PRKD1: variants seen among roughly 807,000 people sequenced by gnomAD.
PRKD1 encodes protein kinase D1, also known as serine/threonine-protein kinase D1.
In PRKD1, 63 loss-of-function variants were observed where a neutral mutation model predicts 95.9. The ratio of observed to expected loss-of-function variants is 0.66; its 90% CI spans 0.54 to 0.81. The LOEUF (loss-of-function observed/expected upper bound fraction) is 0.81. Ranked by LOEUF, PRKD1 falls within the 30% of genes least tolerant of loss-of-function variation. The pLI is 0.00. For synonymous variants in PRKD1, 425 were observed against 423.1 expected (o/e 1.00, Z -0.05); for missense variants, 1,048 against 1,165.3 (o/e 0.90, Z 1.47).
intron 3 of PRKD1, among the ~76,000 whole-genome samples, chr14:29,664,861 G>A (rs920657319): frequency 6.6e-6 from 1 of 152,148 alleles, no homozygotes; most frequent in Non-Finnish European, 1.5e-5. Flanking sequence ...TCCAGCTCGC[G>A]ACTCAACAGC....
In PRKD1 at chr14:29,829,198, G is replaced by A. The variant is rs547220928; in HGVS notation, c.264+98051C>T. On this transcript the variant is annotated intron_variant, in intron 1 of 17. Coordinates refer to ENST00000331968, the MANE Select transcript of PRKD1 (RefSeq NM_002742.3). ...CATGTCTTTCTAGCTGAGACCCAAGGCATCATGGAATAGAGATTAAAAAGC... is the reference window on the plus strand; with the variant it reads ...CATGTCTTTCTAGCTGAGACCCAAGACATCATGGAATAGAGATTAAAAAGC... Among the ~76,000 whole-genome samples, 3 of 152,232 alleles carry A rather than the reference G, an allele frequency of 2.0e-5. No homozygotes were observed. The South Asian group carries it at 6.2e-4, about 32-fold the overall frequency.
intron 1 of PRKD1, among the ~76,000 whole-genome samples, chr14:29,892,332 T>G (rs1448690302): frequency 6.6e-6 from 1 of 152,072 alleles, no homozygotes; most frequent in African/African-American, 2.4e-5. Flanking sequence ...GAACTCAAGT[T>G]TTCCAAATAT....
At chr14:29,658,164 A>C (rs2139196761) in intron 4 of PRKD1, among the ~76,000 whole-genome samples, 1 of 152,294 alleles carries the variant, frequency 6.6e-6, no homozygotes, top group South Asian at 2.1e-4. Context: ...TCCTCCAGTT[A>C]GTAGCCCTGA....
intron 1 of PRKD1, among the ~76,000 whole-genome samples, chr14:29,902,695 C>T (rs1156425831): frequency 6.6e-6 from 1 of 151,980 alleles, no homozygotes; most frequent in East Asian, 1.9e-4. Flanking sequence ...AAATCTGTAC[C>T]CATAGATTTC....
chr14:29,754,124 C>A (rs1164132108), intron 1 of PRKD1, among the ~76,000 whole-genome samples: 1 of 152,146 alleles, frequency 6.6e-6, no homozygotes, highest in African/African-American at 2.4e-5. Flanking sequence ...TGCAGCTTAA[C>A]TGATGAGAGA....
chr14:29,692,396 T>C (rs1193123062), intron 2 of PRKD1, among the ~76,000 whole-genome samples: 1 of 152,148 alleles, frequency 6.6e-6, no homozygotes, highest in African/African-American at 2.4e-5. Context: ...TTGACCTCAG[T>C]TGTAATACTG....
Position 29,663,703 on chromosome 14 carries a change from A to AG in PRKD1, c.691dup (p.Leu231ProfsTer30). 6.2e-7 allele frequency: 1 copy of AG among 1,613,680 alleles called. No individual in the cohort carries two copies. The highest frequency in any genetic ancestry group is 1.1e-5 in the South Asian group (1 of 91,030). ...TGGGTAAACAGGAAGCCATACCAGA[A>AG]GGGGCTCATCAGGGGCACTTGTAGA... On this transcript the variant is annotated frameshift_variant, in exon 4 of 18. Transcript: ENST00000331968. LOFTEE classifies it high-confidence loss of function.
At chr14:29,731,914 C>T (rs188481564) in intron 1 of PRKD1, among the ~76,000 whole-genome samples, 412 of 151,364 alleles carry the variant, frequency 2.7e-3, no homozygotes, top group Admixed American at 8.6e-3. Flanking sequence ...CACTCTGGCG[C>T]CCAGGCTGGA....
intron 4 of PRKD1, among the ~76,000 whole-genome samples, chr14:29,654,347 T>C (rs1030162554): frequency 2.0e-5 from 3 of 151,992 alleles, no homozygotes; most frequent in Admixed American, 6.6e-5. Flanking sequence ...AATTTTTCTA[T>C]GTTTTTAGTA....
intron 1 of PRKD1, among the ~76,000 whole-genome samples, chr14:29,757,810 A>G (rs988802033): frequency 5.3e-5 from 8 of 152,068 alleles, no homozygotes; most frequent in African/African-American, 1.7e-4. Context: ...TAATCCAAAT[A>G]GGGAGTTTTG....
intron 2 of PRKD1, among the ~76,000 whole-genome samples, chr14:29,683,948 T>G (rs1208735040): frequency 6.6e-6 from 1 of 152,198 alleles, no homozygotes; most frequent in Non-Finnish European, 1.5e-5. Flanking sequence ...CCTAGTGGTA[T>G]CTGAACCCAA....
rs188961292 is a variant in PRKD1, at chr14:29,605,785, T to C, written c.1906-5968A>G. 4.5e-4 allele frequency among the ~76,000 whole-genome samples: 69 copies of C among 152,348 alleles called. 1 individual carries two copies. The highest frequency in any genetic ancestry group is 6.8e-3 in the Middle Eastern group (2 of 294). ...GAAGAGTCTCTACGTCTCCTTACTT[T>C]TCATTAAGTGAATAATATTCTTTAA... On this transcript the variant is annotated intron_variant, in intron 13 of 17. Transcript: ENST00000331968.
At chr14:29,765,702 AATAAACAAACTACAACT>A (rs1200705966) in intron 1 of PRKD1, among the ~76,000 whole-genome samples, 14 of 152,232 alleles carry the variant, frequency 9.2e-5, no homozygotes, top group African/African-American at 3.4e-4. Context: ...TAGCAATGAG[AATAAACAAACTACAACT>A]ATAAACAACA....
chr14:29,748,970 T>G (rs1436022492), intron 1 of PRKD1, among the ~76,000 whole-genome samples: 1 of 152,086 alleles, frequency 6.6e-6, no homozygotes, highest in Non-Finnish European at 1.5e-5. Context: ...AGTTCAAATT[T>G]TATTAAAAAA....
At chr14:29,744,961 C>T (rs560318466) in intron 1 of PRKD1, among the ~76,000 whole-genome samples, 3 of 152,270 alleles carry the variant, frequency 2.0e-5, no homozygotes, top group African/African-American at 4.8e-5. Context: ...ACTATTACAT[C>T]GCCACCTCAT....
intron 1 of PRKD1, among the ~76,000 whole-genome samples, chr14:29,801,509 A>G (rs1399245457): frequency 6.6e-6 from 1 of 152,216 alleles, no homozygotes; most frequent in Non-Finnish European, 1.5e-5. Context: ...CAGCTGTTTC[A>G]CTAACAGTGT....
At chr14:29,759,259 G>T (rs530149782) in intron 1 of PRKD1, among the ~76,000 whole-genome samples, 1 of 151,984 alleles carries the variant, frequency 6.6e-6, no homozygotes, top group Non-Finnish European at 1.5e-5. Context: ...AAAAAAAGAA[G>T]AGAAAAAATG....
intron 4 of PRKD1, among the ~76,000 whole-genome samples, chr14:29,647,111 TG>T (rs1253475160): frequency 1.3e-5 from 2 of 152,082 alleles, no homozygotes; most frequent in Non-Finnish European, 2.9e-5. Context: ...CACTGCTTAG[TG>T]GTGACAGATA....
intron 2 of PRKD1, among the ~76,000 whole-genome samples, chr14:29,678,362 TCCGTA>T (rs944039030): frequency 6.6e-6 from 1 of 152,220 alleles, no homozygotes; most frequent in Non-Finnish European, 1.5e-5. Context: ...CATTAGCCAT[TCCGTA>T]AGTGGAAGGA....
Sources: allele counts gnomAD v4.1 joint callset (sites outside exome capture counted in the v4.1 genomes callset), GRCh38; gene constraint gnomAD v4.1.1; transcripts MANE v1.5; gene names NCBI Gene and HGNC (gene_info 2026-07-23, HGNC 2026-07-21).